DGCR2: variants seen among roughly 807,000 people sequenced by gnomAD.
The protein encoded by DGCR2 is integral membrane protein DGCR2/IDD.
DGCR2 carries 24 observed loss-of-function variants against 51.6 expected under a neutral mutation model. The observed-to-expected ratio is 0.47, with a 90% CI of 0.34 to 0.65. The LOEUF is 0.65. Among genes scored for constraint, DGCR2 ranks in the 30% least tolerant of loss-of-function variants. DGCR2 has a pLI of 0.01. For missense variants in DGCR2, 765 were observed against 772.1 expected (o/e 0.99, Z 0.11); for synonymous variants, 340 against 315.4 (o/e 1.08, Z -0.82).
Position 19,041,095 on chromosome 22 carries a change from G to A in DGCR2, c.1359C>T (p.Ala453=), listed in dbSNP as rs755843852. Residue 453 remains alanine, a synonymous_variant, in exon 9 of 10, where the codon GCC becomes GCT. Transcript: ENST00000263196. The stretch of plus-strand genomic sequence containing the variant: ...AGAACACACTGTCCGGGTGGATGGA[G>A]GCCTCGTAGGGCGGCGGAGGGTCGT... The part of the protein sequence containing the change: ...QPDDPPPPYE[A]SIHPDSVFYD... 1.2e-6 allele frequency: 2 copies of A among 1,611,980 alleles called. No individual in the cohort carries two copies. Among genetic ancestry groups the A allele is most frequent in the Admixed American group, 3.3e-5 (2 of 59,916 alleles).
At chr22:19,060,940 T>A (rs2082655816) in intron 5 of DGCR2, 1 of 476,518 alleles carries the variant, frequency 2.1e-6, no homozygotes, top group Non-Finnish European at 4.2e-6. Flanking sequence ...TACCATGGTA[T>A]CACTCACACC....
chr22:19,098,398 C>CCTCT (rs2083165138), intron 1 of DGCR2, among the ~76,000 whole-genome samples: 1 of 152,292 alleles, frequency 6.6e-6, no homozygotes, highest in South Asian at 2.1e-4. Flanking sequence ...CACAGGCCAC[C>CCTCT]CTCTCTCTGC....
chr22:19,089,273 G>T, intron 2 of DGCR2, 95 bp downstream of exon 2: 1 of 1,370,318 alleles, frequency 7.3e-7, no homozygotes, highest in Non-Finnish European at 9.7e-7. Flanking sequence ...AATGTGTTAA[G>T]ACAGCACACA....
intron 7 of DGCR2, among the ~76,000 whole-genome samples, chr22:19,042,380 C>T (rs2082442069): frequency 6.6e-6 from 1 of 152,248 alleles, no homozygotes; most frequent in South Asian, 2.1e-4. Context: ...AGGCCTCCCA[C>T]GTCCGTCCAA....
chr22:19,103,680 G>A (rs187519958), intron 1 of DGCR2, among the ~76,000 whole-genome samples: 2,624 of 144,064 alleles, frequency 0.018, 37 homozygotes, highest in Non-Finnish European at 0.028. Flanking sequence ...CACCTGCCTC[G>A]GCCTCCTAAA....
chr22:19,055,536 T>C (rs1293362029), intron 6 of DGCR2, among the ~76,000 whole-genome samples: 2 of 151,880 alleles, frequency 1.3e-5, no homozygotes, highest in East Asian at 1.9e-4. Flanking sequence ...TGAAACCACA[T>C]CTCTAATAAA....
At chr22:19,091,153 G>A (rs1242474106) in intron 1 of DGCR2, among the ~76,000 whole-genome samples, 1 of 152,194 alleles carries the variant, frequency 6.6e-6, no homozygotes, top group East Asian at 1.9e-4. Context: ...GAGCCCAGGA[G>A]TTCAGGACCA....
chr22:19,069,888 T>C (rs535873312), intron 2 of DGCR2, among the ~76,000 whole-genome samples: 8 of 152,312 alleles, frequency 5.3e-5, no homozygotes, highest in African/African-American at 1.9e-4. Flanking sequence ...CACTAAAATA[T>C]AAAATATGCT....
chr22:19,084,164 T>C (rs989859720), intron 2 of DGCR2, among the ~76,000 whole-genome samples: 1 of 151,308 alleles, frequency 6.6e-6, no homozygotes, highest in African/African-American at 2.4e-5. Flanking sequence ...GTGAGGAGTG[T>C]CTCTGCCTGG....
intron 1 of DGCR2, among the ~76,000 whole-genome samples, chr22:19,112,369 A>G (rs1401959388): frequency 6.6e-6 from 1 of 152,178 alleles, no homozygotes; most frequent in African/African-American, 2.4e-5. Flanking sequence ...GGCTTGTTAT[A>G]AATACTGAGG....
At chr22:19,103,439 T>G (rs2083226993) in intron 1 of DGCR2, among the ~76,000 whole-genome samples, 1 of 102,246 alleles carries the variant, frequency 9.8e-6, no homozygotes, top group Non-Finnish European at 1.9e-5. Flanking sequence ...TTTTTTTTTT[T>G]TTTTTTTTTG....
chr22:19,102,785 C>G (rs1450084122), intron 1 of DGCR2, among the ~76,000 whole-genome samples: 1 of 152,172 alleles, frequency 6.6e-6, no homozygotes, highest in East Asian at 1.9e-4. Flanking sequence ...ACAGGAAGAT[C>G]GCTTGAAGCC....
At chr22:19,063,086 T>TGTC in intron 5 of DGCR2, 116 bp downstream of exon 5, 2 of 934,696 alleles carry the variant, frequency 2.1e-6, no homozygotes, top group Admixed American at 2.1e-5. Flanking sequence ...GCTCACCCAC[T>TGTC]CCCTGCACAG....
intron 5 of DGCR2, among the ~76,000 whole-genome samples, chr22:19,062,777 T>TCTCTCTCTCTCTC (rs1327897839): frequency 1.6e-5 from 2 of 125,476 alleles, no homozygotes; most frequent in South Asian, 2.6e-4. Flanking sequence ...ACATGCATGC[T>TCTCTCTCTCTCTC]CACTCTCTCT....
chr22:19,062,754 T>TGC (rs1188088942), intron 5 of DGCR2, among the ~76,000 whole-genome samples: 8 of 137,278 alleles, frequency 5.8e-5, no homozygotes, highest in South Asian at 2.7e-4. Context: ...ATAAAATCTT[T>TGC]GCGCACACAC....
intron 5 of DGCR2, 94 bp downstream of exon 5, chr22:19,063,108 G>C: frequency 8.1e-7 from 1 of 1,231,574 alleles, no homozygotes. Flanking sequence ...ACCCCTACGG[G>C]CCAGGCAGCA....
At chr22:19,108,629 T>C (rs1290927044) in intron 1 of DGCR2, among the ~76,000 whole-genome samples, 1 of 111,678 alleles carries the variant, frequency 9.0e-6, no homozygotes, top group Non-Finnish European at 1.9e-5. Context: ...CAGAACAGAA[T>C]AGAATACAGA....
intron 1 of DGCR2, among the ~76,000 whole-genome samples, chr22:19,093,959 T>G (rs2146021053): frequency 6.6e-6 from 1 of 151,944 alleles, no homozygotes; most frequent in African/African-American, 2.4e-5. Context: ...TGAACTAGGA[T>G]TGCAATGCTG....
chr22:19,048,637 G>A lies in DGCR2; in HGVS notation c.809C>T (p.Thr270Ile), dbSNP rs748974990. 1 of 1,614,182 alleles carries A rather than the reference G, an allele frequency of 6.2e-7. No homozygotes were observed. Among genetic ancestry groups the A allele is most frequent in the Admixed American group, 1.7e-5 (1 of 60,028 alleles). ...CACGTTGTCCTTGATGTCAACACATGTTTGACCTGCAATGAGCATACATTG... is the reference window on the plus strand; with the variant it reads ...CACGTTGTCCTTGATGTCAACACATATTTGACCTGCAATGAGCATACATTG... ...KSSFLCKRSQ[T>I]CVDIKDNVVD... Residue 270 changes from threonine to isoleucine, a missense_variant, in exon 7 of 10, where the codon ACA (threonine) becomes ATA (isoleucine). By Grantham distance (89) the Thr-to-Ile change is moderately conservative (BLOSUM62 -1). Around this residue, in one of 3 missense-constraint regions of DGCR2, gnomAD observed 190 missense variants for 265.2 expected, o/e 0.72. Transcript: ENST00000263196.
Sources: allele counts gnomAD v4.1 joint callset (sites outside exome capture counted in the v4.1 genomes callset), GRCh38; gene constraint gnomAD v4.1.1; regional missense constraint gnomAD v4.1.1; transcripts MANE v1.5; gene names NCBI Gene and HGNC (gene_info 2026-07-23, HGNC 2026-07-21).